ITM2C: variants seen among roughly 807,000 people sequenced by gnomAD.
ITM2C encodes the protein integral membrane protein 2C, also known as BRICHOS domain containing 2C.
Under a neutral mutation model 30.0 loss-of-function variants are expected in ITM2C, and 20 were observed. That is an observed-to-expected ratio of 0.67 (90% CI 0.47 to 0.97). ITM2C has a LOEUF of 0.97. Ranked by LOEUF, ITM2C falls within the 50% of genes least tolerant of loss-of-function variation. The pLI, the probability that ITM2C is intolerant of heterozygous loss-of-function variation, is 0.00. For synonymous variants in ITM2C, 167 were observed against 156.4 expected (o/e 1.07, Z -0.51); for missense variants, 366 against 371.9 (o/e 0.98, Z 0.13).
intron 2 of ITM2C, among the ~76,000 whole-genome samples, chr2:230,875,203 C>T (rs945216131): frequency 9.2e-5 from 14 of 152,300 alleles, no homozygotes; most frequent in Non-Finnish European, 1.6e-4. Context: ...GTGGAGGGCA[C>T]GGAGGTGGCC....
Position 230,875,625 on chromosome 2 carries a change from C to G in ITM2C, c.267C>G (p.Ala89=), listed in dbSNP as rs1697272522. 1.2e-6 allele frequency: 2 copies of G among 1,600,222 alleles called. No individual in the cohort carries two copies. Among genetic ancestry groups the G allele is most frequent in the Admixed American group, 1.7e-5 (1 of 58,628 alleles). ...TGTCTCTCCGCCTTGCTCAGCTGGC[C>G]CGAGATAACTTCTTCCGCTGTGGTG... is the stretch of plus-strand genomic sequence containing the variant. ...IYRYFFLAQL[A]RDNFFRCGVL... The change falls in exon 3 of 6, where the codon GCC becomes GCG. Residue 89 remains alanine (A), a synonymous_variant. Transcript: ENST00000326427.
rs868162749 is a variant in ITM2C, at chr2:230,865,253, C to T, written c.120+108C>T. The T allele has an allele frequency of 8.5e-7, 1 of 1,178,892 alleles. No individual in the cohort carries two copies. The highest frequency in any genetic ancestry group is 4.0e-5 in the Admixed American group (1 of 24,760). The allele number at this position is 1,178,892 out of a possible 1,614,324, so 73.0% of individuals were successfully genotyped here. On this transcript the variant is annotated intron_variant, in intron 1 of 5. Coordinates refer to ENST00000326427, the MANE Select transcript of ITM2C (RefSeq NM_030926.6). The surrounding 1 kb of genome is among the most constrained non-coding windows in gnomAD (Gnocchi z 6.8). ...CCGAGGCGCGTCAGGGCCCCAGAGCCCGGGGTGGAGCAGGGTTGGGAAGTC... is the reference window on the plus strand; with the variant it reads ...CCGAGGCGCGTCAGGGCCCCAGAGCTCGGGGTGGAGCAGGGTTGGGAAGTC...
chr2:230,873,327 C>A, intron 1 of ITM2C, 90 bp from the exon 2 acceptor site: 1 of 1,327,028 alleles, frequency 7.5e-7, no homozygotes, highest in South Asian at 1.8e-5. Flanking sequence ...TCCCTCCGGG[C>A]CCAGCCAGCA....
In ITM2C at chr2:230,876,883, C is replaced by A. The variant is rs1226807464; in HGVS notation, c.477C>A (p.Ser159=). 6.2e-7 allele frequency: 1 copy of A among 1,613,888 alleles called. No individual in the cohort carries two copies. Residue 159 remains serine (S), a synonymous_variant, in exon 4 of 6, where the codon TCC becomes TCA. Coordinates refer to ENST00000326427, the MANE Select transcript of ITM2C (RefSeq NM_030926.6). ...QRGLTAYHDI[S]LDKCYVIELN... is the part of the protein sequence containing the mutation. ...GTCTGACTGCGTACCATGATATCTCCCTGGACAAGTGCTATGTCATCGAAC... is the reference window on the plus strand; with the variant it reads ...GTCTGACTGCGTACCATGATATCTCACTGGACAAGTGCTATGTCATCGAAC...
In ITM2C at chr2:230,864,987, G is replaced by T. The variant is rs759769892; in HGVS notation, c.-39G>T. ...CGGAGGCAGAGACCGAGGCTGCACC[G>T]GCAGAGGCTGCGGGGCGGACGCGCG... is the stretch of plus-strand genomic sequence containing the variant. On this transcript the variant is annotated 5_prime_UTR_variant, in exon 1 of 6. Transcript: ENST00000326427. This position sits in a 1 kb window ranked among gnomAD's most constrained non-coding sequence, Gnocchi z 4.3. 5 of 1,432,946 alleles carry T rather than the reference G, an allele frequency of 3.5e-6. No individual in the cohort carries two copies. The highest frequency in any genetic ancestry group is 4.6e-6 in the Non-Finnish European group (5 of 1,082,214). 88.8% of individuals were successfully genotyped at this position (1,432,946 alleles called of 1,614,324 possible). A position where few individuals can be genotyped will look rare whatever the true frequency, so the allele number is the denominator to read the frequency against.
intron 1 of ITM2C, among the ~76,000 whole-genome samples, chr2:230,870,130 A>T (rs1456564610): frequency 6.6e-6 from 1 of 152,216 alleles, no homozygotes; most frequent in Non-Finnish European, 1.5e-5. Flanking sequence ...AGGCTCCCTG[A>T]TGCCCCACTG....
intron 3 of ITM2C, 37 bp from the exon 4 acceptor site, chr2:230,876,820 C>T (rs1369025219): frequency 7.0e-7 from 1 of 1,434,464 alleles, no homozygotes; most frequent in Admixed American, 1.7e-5. Flanking sequence ...CAGCTGTCAC[C>T]TCCTGCAGAG....
At chr2:230,869,593 C>T (rs140299297) in intron 1 of ITM2C, among the ~76,000 whole-genome samples, 6 of 152,310 alleles carry the variant, frequency 3.9e-5, no homozygotes, top group East Asian at 1.9e-4. Context: ...CTCAGGAGTG[C>T]GTTTCTGGCT....
In ITM2C at chr2:230,875,655, G is replaced by C. The variant is rs544840386; in HGVS notation, c.297G>C (p.Leu99=). The part of the protein sequence containing the change: ...ARDNFFRCGV[L]YEDSLSSQVR... The stretch of plus-strand genomic sequence containing the variant: ...ATAACTTCTTCCGCTGTGGTGTGCT[G>C]TATGAGGACTCCCTGTCCTCCCAGG... The change falls in exon 3 of 6, where the codon CTG becomes CTC. Residue 99 remains leucine, a synonymous_variant. Coordinates refer to ENST00000326427, the MANE Select transcript of ITM2C (RefSeq NM_030926.6). The C allele has an allele frequency of 6.2e-7, 1 of 1,612,632 alleles. No individual in the cohort carries two copies. The highest frequency in any genetic ancestry group is 1.1e-5 in the South Asian group (1 of 90,902).
rs765614166 is a variant in ITM2C, at chr2:230,877,550, C to T, written c.712C>T (p.Arg238Trp). Residue 238 changes from arginine to tryptophan, a missense_variant and splice_region_variant, in exon 5 of 6, where the codon CGG (arginine) becomes TGG (tryptophan). Coordinates refer to ENST00000326427, the MANE Select transcript of ITM2C (RefSeq NM_030926.6). This position sits in a 1 kb window ranked among gnomAD's most constrained non-coding sequence, Gnocchi z 4.8. Reference protein sequence around the residue: ...YRLRRRATRRRINKRGAKNCN... With the variant: ...YRLRRRATRRWINKRGAKNCN... ...GCTCCGGCGCCGGGCAACGCGGAGG[C>T]GTGAGTGGCTGGCTTCACCCACAGT... The T allele has an allele frequency of 3.5e-5, 57 of 1,613,134 alleles. No homozygotes were observed. The East Asian group carries it at 1.2e-3, about 34-fold the overall frequency.
At chr2:230,871,697 G>T (rs536016479) in intron 1 of ITM2C, among the ~76,000 whole-genome samples, 1 of 152,232 alleles carries the variant, frequency 6.6e-6, no homozygotes, top group Non-Finnish European at 1.5e-5. Flanking sequence ...GCTCCCTTGC[G>T]GGCAGACTTG....
chr2:230,876,771 C>G, intron 3 of ITM2C, 86 bp from the exon 4 acceptor site: 1 of 859,488 alleles, frequency 1.2e-6, no homozygotes. Flanking sequence ...TGAGCCACCG[C>G]GCCTGGCTGG....
chr2:230,864,208 G>A (rs1172135454), upstream of ITM2C, among the ~76,000 whole-genome samples: 1 of 152,180 alleles, frequency 6.6e-6, no homozygotes, highest in African/African-American at 2.4e-5. This position sits in a 1 kb window ranked among gnomAD's most constrained non-coding sequence, Gnocchi z 4.3. Flanking sequence ...CCTCCTGGAT[G>A]AGTGAGACAA....
Position 230,877,893 on chromosome 2 carries a change from G to C in ITM2C, c.713-115G>C. On this transcript the variant is annotated intron_variant, in intron 5 of 5. Transcript: ENST00000326427. This position sits in a 1 kb window ranked among gnomAD's most constrained non-coding sequence, Gnocchi z 4.8. ...CCATTTCTCACTGTGCTCTTTGGGT[G>C]AATCTGGGTGAATGGTGTCACTTCC... The C allele has an allele frequency of 1.2e-6, 1 of 804,246 alleles. No homozygotes were observed. 49.8% of individuals were successfully genotyped at this position (804,246 alleles called of 1,614,324 possible).
chr2:230,875,502 C>A (rs1037641438), intron 2 of ITM2C, 118 bp from the exon 3 acceptor site: 4 of 866,070 alleles, frequency 4.6e-6, no homozygotes, highest in Non-Finnish European at 7.2e-6. Flanking sequence ...AGTCCCTGCT[C>A]TTCTTGCTTC....
chr2:230,867,275 T>C (rs932283150), intron 1 of ITM2C, among the ~76,000 whole-genome samples: 1 of 152,226 alleles, frequency 6.6e-6, no homozygotes, highest in Non-Finnish European at 1.5e-5. Flanking sequence ...AGAGGGACTT[T>C]AGGTGTTGCA....
chr2:230,876,301 A>T (rs1239792441), intron 3 of ITM2C, among the ~76,000 whole-genome samples: 1 of 152,204 alleles, frequency 6.6e-6, no homozygotes, highest in Admixed American at 6.5e-5. Context: ...GCTTTATAAC[A>T]ACAGAGGCGT....
chr2:230,877,291 G>T lies in ITM2C; in HGVS notation c.562-109G>T. 1 of 1,144,274 alleles carries T rather than the reference G, an allele frequency of 8.7e-7. No individual in the cohort carries two copies. The highest frequency in any genetic ancestry group is 1.5e-5 in the South Asian group (1 of 68,794). 70.9% of individuals were successfully genotyped at this position (1,144,274 alleles called of 1,614,324 possible). On this transcript the variant is annotated intron_variant, in intron 4 of 5. Transcript: ENST00000326427. The surrounding 1 kb of genome is among the most constrained non-coding windows in gnomAD (Gnocchi z 4.8). Reference sequence around the variant, plus strand: ...CAGGAAGTGCCTGAGGACATCAGAAGGGCCAGCCCAGGGGCCTCTGGAGGA... The same window carrying T: ...CAGGAAGTGCCTGAGGACATCAGAATGGCCAGCCCAGGGGCCTCTGGAGGA...
intron 1 of ITM2C, among the ~76,000 whole-genome samples, chr2:230,867,997 TCGG>T (rs1559154697): frequency 2.0e-5 from 3 of 151,110 alleles, no homozygotes; most frequent in African/African-American, 7.3e-5. Flanking sequence ...GGAGGAGCAC[TCGG>T]TGAACAGATG....
Sources: gnomAD v4.1 joint callset for allele counts (sites outside exome capture counted in the v4.1 genomes callset) on GRCh38, gnomAD v4.1.1 for gene constraint, Gnocchi (gnomAD v3.1) non-coding constraint, MANE v1.5 for transcripts, NCBI Gene and HGNC (gene_info 2026-07-23, HGNC 2026-07-21) for gene names.